The following AKT3 variants were observed in gnomAD, a reference collection of about 807,000 sequenced individuals.
AKT3 encodes AKT serine/threonine kinase 3.
AKT3 carries 15 observed loss-of-function variants against 65.3 expected under a neutral mutation model. The ratio of observed to expected loss-of-function variants is 0.23; its 90% CI spans 0.15 to 0.35. The LOEUF is 0.35. AKT3 is among the 10% of genes least tolerant of loss of function. AKT3 has a pLI of 1.00. For synonymous variants in AKT3, 206 were observed against 183.8 expected (o/e 1.12, Z -0.98); for missense variants, 243 against 576.5 (o/e 0.42, Z 5.92).
chr1:243,810,391 T>C (rs1234909704), intron 2 of AKT3, among the ~76,000 whole-genome samples: 1 of 152,026 alleles, frequency 6.6e-6, no homozygotes, highest in Non-Finnish European at 1.5e-5. Flanking sequence ...GAGAATACTA[T>C]AAACACCTCT....
intron 11 of AKT3, among the ~76,000 whole-genome samples, chr1:243,551,117 T>C (rs1673036745): frequency 2.0e-5 from 3 of 152,102 alleles, no homozygotes; most frequent in South Asian, 2.1e-4. Flanking sequence ...GTAAATAAGA[T>C]ACATAAGAAA....
At chr1:243,563,350 C>T (rs1468251780) in intron 10 of AKT3, among the ~76,000 whole-genome samples, 1 of 151,948 alleles carries the variant, frequency 6.6e-6, no homozygotes, top group Non-Finnish European at 1.5e-5. Context: ...AATTAAAAAC[C>T]ACTGTTGTTT....
At chr1:243,768,494 T>C (rs1167618868) in intron 2 of AKT3, among the ~76,000 whole-genome samples, 1 of 152,178 alleles carries the variant, frequency 6.6e-6, no homozygotes, top group Non-Finnish European at 1.5e-5. Flanking sequence ...AACCCTTCTC[T>C]ATCCCTATCA....
rs116108386 is a variant in AKT3, at chr1:243,540,260, T to C, written c.1251+5250A>G. The stretch of plus-strand genomic sequence containing the variant: ...ACACATCATGAACAAGTGGTTTTTT[T>C]CAACAGGAATGCAAGGTTCACTCAA... On this transcript the variant is annotated intron_variant, in intron 12 of 13. Transcript: ENST00000673466. Among the ~76,000 whole-genome samples, 719 of 152,296 alleles carry C rather than the reference T, an allele frequency of 4.7e-3. 7 individuals are homozygous for C. The highest frequency in any genetic ancestry group is 0.016 in the African/African-American group (677 of 41,568).
chr1:243,512,704 G>T (rs1291371154), intron 12 of AKT3, among the ~76,000 whole-genome samples: 2 of 152,142 alleles, frequency 1.3e-5, no homozygotes, highest in African/African-American at 2.4e-5. Flanking sequence ...ATCTGTGCTG[G>T]TTTTTTTCCC....
intron 1 of AKT3, 44 bp downstream of exon 1, chr1:243,849,996 G>C (rs1377314367): frequency 2.0e-6 from 2 of 982,398 alleles, no homozygotes; most frequent in African/African-American, 3.5e-5. Flanking sequence ...AGGGAGTGGA[G>C]GCCAGGCGGG....
rs1402920623 is a variant in AKT3 at position 243,761,871 on chromosome 1, CA to C, written c.47-66156del. Among the ~76,000 whole-genome samples, 6 of 152,008 alleles carry C rather than the reference CA, an allele frequency of 3.9e-5. No homozygotes were observed. The East Asian group carries it at 1.2e-3, about 29-fold the overall frequency. The stretch of plus-strand genomic sequence containing the variant: ...TATAATAAGTATTTTCTTACTGAAG[CA>C]AAAAGGCACAGAATTTTGATTCCTT... On this transcript the variant is annotated intron_variant, in intron 2 of 13. Coordinates refer to ENST00000673466, the MANE Select transcript of AKT3 (RefSeq NM_005465.7).
intron 3 of AKT3, among the ~76,000 whole-genome samples, chr1:243,675,726 C>A (rs2147956838): frequency 6.6e-6 from 1 of 152,308 alleles, no homozygotes; most frequent in Admixed American, 6.5e-5. Flanking sequence ...TTCTTTGCAG[C>A]ATTTGATGTT....
chr1:243,804,228 T>TA (rs1343873661), intron 2 of AKT3, among the ~76,000 whole-genome samples: 6 of 152,230 alleles, frequency 3.9e-5, no homozygotes, highest in Non-Finnish European at 7.3e-5. Flanking sequence ...AGCCCTCAGT[T>TA]AAAAAATAAC....
In AKT3 at chr1:243,766,330, G is replaced by C. The variant is rs1021569084; in HGVS notation, c.47-70614C>G. 5.9e-5 allele frequency among the ~76,000 whole-genome samples: 9 copies of C among 152,072 alleles called. No individual in the cohort carries two copies. In the East Asian group the frequency reaches 1.5e-3, roughly 26 times the overall value. On this transcript the variant is annotated intron_variant, in intron 2 of 13. Coordinates refer to ENST00000673466, the MANE Select transcript of AKT3 (RefSeq NM_005465.7). ...ACAGAGGGTATCCCAGGGGGAGAAA[G>C]AAAATAAAAAAGAAAATTAATAATA... is the stretch of plus-strand genomic sequence containing the variant.
intron 4 of AKT3, among the ~76,000 whole-genome samples, chr1:243,648,728 A>G (rs79112050): frequency 6.6e-6 from 1 of 152,166 alleles, no homozygotes. Flanking sequence ...AAAGGTTCTT[A>G]ATTACTAATT....
chr1:243,569,899 T>C (rs189111533), intron 9 of AKT3, among the ~76,000 whole-genome samples: 57 of 152,340 alleles, frequency 3.7e-4, no homozygotes, highest in Non-Finnish European at 6.5e-4. Flanking sequence ...TTTTAACATA[T>C]AATTTGGACT....
chr1:243,723,677 G>A (rs1408349892), intron 2 of AKT3, among the ~76,000 whole-genome samples: 2 of 152,154 alleles, frequency 1.3e-5, no homozygotes, highest in Admixed American at 1.3e-4. Flanking sequence ...TGTAATCTCA[G>A]CACTTTGGGA....
chr1:243,525,874 T>C (rs986703154), intron 12 of AKT3, among the ~76,000 whole-genome samples: 3 of 124,844 alleles, frequency 2.4e-5, no homozygotes, highest in Non-Finnish European at 3.4e-5. Context: ...AGAAAATATA[T>C]TTCAAGAAAT....
intron 3 of AKT3, among the ~76,000 whole-genome samples, chr1:243,693,974 A>C (rs1262710219): frequency 6.6e-6 from 1 of 152,114 alleles, no homozygotes; most frequent in Non-Finnish European, 1.5e-5. Flanking sequence ...TCAGTCACTA[A>C]ATAGGATCCT....
chr1:243,565,913 C>T (rs1360736771), intron 9 of AKT3, among the ~76,000 whole-genome samples: 1 of 152,132 alleles, frequency 6.6e-6, no homozygotes, highest in Non-Finnish European at 1.5e-5. Flanking sequence ...AGTGAATACT[C>T]TTTTACTAAT....
intron 12 of AKT3, among the ~76,000 whole-genome samples, chr1:243,517,154 T>A (rs887255072): frequency 1.3e-5 from 2 of 152,166 alleles, no homozygotes; most frequent in South Asian, 2.1e-4. Flanking sequence ...TGTGTTTTTT[T>A]AATTTCATTT....
chr1:243,666,952 T>C (rs1165638739), intron 3 of AKT3, among the ~76,000 whole-genome samples: 1 of 151,998 alleles, frequency 6.6e-6, no homozygotes, highest in African/African-American at 2.4e-5. Context: ...CACTGTAGAG[T>C]ATCTACTGTG....
intron 2 of AKT3, among the ~76,000 whole-genome samples, chr1:243,839,194 T>C (rs1695081779): frequency 6.6e-6 from 1 of 152,204 alleles, no homozygotes; most frequent in Non-Finnish European, 1.5e-5. Context: ...CCTTTTAAAC[T>C]GGCTAAATTT....
Sources: gnomAD v4.1 joint callset for allele counts (sites outside exome capture counted in the v4.1 genomes callset) on GRCh38, gnomAD v4.1.1 for gene constraint, MANE v1.5 for transcripts, NCBI Gene and HGNC (gene_info 2026-07-23, HGNC 2026-07-21) for gene names.